DOCK1: variants seen among roughly 807,000 people sequenced by gnomAD.
DOCK1 encodes the protein dedicator of cytokinesis 1.
A neutral mutation model predicts 262.7 loss-of-function variants in DOCK1; 138 were observed. The ratio of observed to expected loss-of-function variants is 0.53; its 90% CI spans 0.46 to 0.61. The LOEUF is 0.61. Ranked by LOEUF, DOCK1 falls within the 20% of genes least tolerant of loss-of-function variation. The pLI, the probability that DOCK1 is intolerant of heterozygous loss-of-function variation, is 0.00. For missense variants in DOCK1, 1,908 were observed against 2,370.7 expected (o/e 0.80, Z 4.05); for synonymous variants, 866 against 867.4 (o/e 1.00, Z 0.03).
intron 27 of DOCK1, among the ~76,000 whole-genome samples, chr10:127,215,524 A>G (rs1251869142): frequency 1.3e-5 from 2 of 152,202 alleles, no homozygotes; most frequent in Admixed American, 6.5e-5. Flanking sequence ...GTTTATCTTG[A>G]GTTCCTGCTA....
intron 26 of DOCK1, among the ~76,000 whole-genome samples, chr10:127,127,048 G>C (rs2133094556): frequency 6.6e-6 from 1 of 152,296 alleles, no homozygotes; most frequent in East Asian, 1.9e-4. Context: ...TTTTATTGGA[G>C]AAAAGCTTGG....
At chr10:126,935,113 AAGAG>A (rs2034480374) in intron 1 of DOCK1, among the ~76,000 whole-genome samples, 1 of 152,226 alleles carries the variant, frequency 6.6e-6, no homozygotes, top group Non-Finnish European at 1.5e-5. Context: ...GTCTCAAAAA[AAGAG>A]AGAAATATAA....
chr10:126,948,419 A>T (rs1227018351), intron 1 of DOCK1, among the ~76,000 whole-genome samples: 1 of 40,216 alleles, frequency 2.5e-5, no homozygotes, highest in South Asian at 5.7e-4. Context: ...GTTGGTGGTG[A>T]TGGTGGTGGT....
intron 48 of DOCK1, among the ~76,000 whole-genome samples, chr10:127,438,610 C>T (rs1208061083): frequency 6.6e-6 from 1 of 152,196 alleles, no homozygotes; most frequent in Non-Finnish European, 1.5e-5. Flanking sequence ...GAGCCTTGGT[C>T]AGGATCAAGG....
intron 1 of DOCK1, among the ~76,000 whole-genome samples, chr10:126,929,300 TG>T (rs1327203101): frequency 1.3e-5 from 2 of 152,200 alleles, no homozygotes; most frequent in African/African-American, 4.8e-5. Flanking sequence ...ACCTGTAAAC[TG>T]GGGAGAAAAG....
intron 40 of DOCK1, among the ~76,000 whole-genome samples, chr10:127,408,612 A>G (rs138437119): frequency 6.6e-6 from 1 of 152,260 alleles, no homozygotes; most frequent in South Asian, 2.1e-4. Context: ...CAACTTCATT[A>G]GGGCCTACCT....
chr10:127,396,330 G>A (rs1189845611), intron 38 of DOCK1, among the ~76,000 whole-genome samples: 5 of 152,146 alleles, frequency 3.3e-5, no homozygotes, highest in Admixed American at 3.3e-4. Flanking sequence ...CCTATCCCAG[G>A]ACATCTCACC....
rs1178355665 is a variant in DOCK1 at position 127,031,655 on chromosome 10, G to A, written c.1630G>A (p.Asp544Asn). The A allele has an allele frequency of 6.2e-7, 1 of 1,608,790 alleles. No individual in the cohort carries two copies. The highest frequency in any genetic ancestry group is 8.5e-7 in the Non-Finnish European group (1 of 1,179,116). The change falls in exon 17 of 52, where the codon GAT becomes AAT. Residue 544 changes from aspartate (D) to asparagine (N), a missense_variant. Coordinates refer to ENST00000623213, the MANE Select transcript of DOCK1 (RefSeq NM_001290223.2). ...TTTTGTTTTTTGTTTTACAGCTAAG[G>A]ATAAATCTGAGAAAATATTTGCACT... Reference protein sequence around the residue: ...FRHRSSQDSKDKSEKIFALAF... With the variant: ...FRHRSSQDSKNKSEKIFALAF...
Position 127,439,222 on chromosome 10 carries a change from A to G in DOCK1, c.5256A>G (p.Glu1752=). 3 of 1,608,442 alleles carry G rather than the reference A, an allele frequency of 1.9e-6. No homozygotes were observed. The highest frequency in any genetic ancestry group is 2.7e-5 in the African/African-American group (2 of 74,998). ...AGTCTGAGGCTGTGATCCTTTCGGA[A>G]ACGGTAACCCGACAGGGTATCTTTC... ...LQQSEAVILS[E]TISPLRPQRP... Residue 1752 remains glutamate, a synonymous_variant, in exon 49 of 52, where the codon GAA becomes GAG. Transcript: ENST00000623213.
chr10:126,918,914 G>GGAGGATTTGGACAGGTGAGCACA (rs1265226327), intron 1 of DOCK1, among the ~76,000 whole-genome samples: 5 of 141,606 alleles, frequency 3.5e-5, no homozygotes, highest in African/African-American at 1.0e-4. Flanking sequence ...AGGTGGGCAC[G>GGAGGATTTGGACAGGTGAGCACA]GAGGATTTGG....
At chr10:127,230,083 A>C (rs1425034527) in intron 27 of DOCK1, among the ~76,000 whole-genome samples, 2 of 152,120 alleles carry the variant, frequency 1.3e-5, no homozygotes, top group Non-Finnish European at 2.9e-5. Context: ...ATGTCTGTCC[A>C]TTTCCTTTGC....
intron 39 of DOCK1, among the ~76,000 whole-genome samples, chr10:127,403,643 T>G (rs2067349093): frequency 6.6e-6 from 1 of 152,112 alleles, no homozygotes; most frequent in Admixed American, 6.5e-5. Context: ...CCTGTAGTCC[T>G]GGCTACTTGG....
intron 31 of DOCK1, among the ~76,000 whole-genome samples, chr10:127,349,020 A>G (rs77735322): frequency 6.6e-6 from 1 of 152,156 alleles, no homozygotes; most frequent in East Asian, 1.9e-4. Flanking sequence ...ACCTGTGCCA[A>G]CTTCAAGTCA....
chr10:127,085,638 G>A (rs2047151663), intron 23 of DOCK1, among the ~76,000 whole-genome samples: 1 of 152,096 alleles, frequency 6.6e-6, no homozygotes, highest in Admixed American at 6.5e-5. Context: ...GGTGCCTGTA[G>A]TCTCAGCTAC....
At chr10:126,914,031 C>T (rs571484120) in intron 1 of DOCK1, among the ~76,000 whole-genome samples, 1 of 152,318 alleles carries the variant, frequency 6.6e-6, no homozygotes, top group East Asian at 1.9e-4. Flanking sequence ...TTCTTTCATC[C>T]TTTATTGATT....
At chr10:127,395,698 C>G (rs1057311953) in intron 38 of DOCK1, among the ~76,000 whole-genome samples, 6 of 151,950 alleles carry the variant, frequency 3.9e-5, no homozygotes, top group African/African-American at 9.7e-5. Flanking sequence ...AGAGACGAGA[C>G]GAGGGGTGGG....
At chr10:127,315,591 C>A (rs1200900049) in intron 29 of DOCK1, among the ~76,000 whole-genome samples, 1 of 152,180 alleles carries the variant, frequency 6.6e-6, no homozygotes, top group Non-Finnish European at 1.5e-5. Flanking sequence ...AGCCCCACTA[C>A]CTGTGGCCTT....
chr10:127,024,336 C>T (rs2042670503), intron 14 of DOCK1, among the ~76,000 whole-genome samples: 1 of 152,142 alleles, frequency 6.6e-6, no homozygotes, highest in Non-Finnish European at 1.5e-5. Flanking sequence ...GGGGAGGGTT[C>T]CCACTTTTTA....
chr10:127,095,440 T>G (rs868415848), intron 23 of DOCK1, among the ~76,000 whole-genome samples: 1 of 152,254 alleles, frequency 6.6e-6, no homozygotes, highest in South Asian at 2.1e-4. Flanking sequence ...GTTGCTCATT[T>G]GAACAGTGAT....
Sources: allele counts gnomAD v4.1 joint callset (sites outside exome capture counted in the v4.1 genomes callset), GRCh38; gene constraint gnomAD v4.1.1; transcripts MANE v1.5; gene names NCBI Gene and HGNC (gene_info 2026-07-23, HGNC 2026-07-21).